DLEC1: variants seen among roughly 807,000 people sequenced by gnomAD.
DLEC1 encodes the protein deleted in lung and esophageal cancer protein 1.
DLEC1 carries 146 observed loss-of-function variants against 198.1 expected under a neutral mutation model. The ratio of observed to expected loss-of-function variants is 0.74; its 90% CI spans 0.64 to 0.85. The LOEUF is 0.85. DLEC1 is among the 40% of genes least tolerant of loss of function. The pLI is 0.00. For missense variants in DLEC1, 2,233 were observed against 2,220.0 expected (o/e 1.01, Z -0.12); for synonymous variants, 897 against 866.8 (o/e 1.03, Z -0.61).
intron 19 of DLEC1, among the ~76,000 whole-genome samples, chr3:38,101,254 G>A (rs1156814192): frequency 7.2e-5 from 11 of 152,104 alleles, no homozygotes; most frequent in Non-Finnish European, 1.3e-4. Context: ...TCAGGAGTTC[G>A]AGATCAGCCT....
intron 18 of DLEC1, 79 bp downstream of exon 18, chr3:38,097,981 G>A (rs949575624): frequency 6.3e-7 from 1 of 1,578,082 alleles, no homozygotes; most frequent in Non-Finnish European, 8.7e-7. Context: ...TTGCCCTGGT[G>A]TGTTTAGATC....
chr3:38,060,392 C>T (rs558024270), intron 3 of DLEC1, among the ~76,000 whole-genome samples: 2 of 151,880 alleles, frequency 1.3e-5, no homozygotes, highest in East Asian at 1.9e-4. Flanking sequence ...GCTTAAGCAG[C>T]GAGTTAGACT....
chr3:38,107,332 G>C (rs1049674260), intron 19 of DLEC1, among the ~76,000 whole-genome samples: 1 of 152,246 alleles, frequency 6.6e-6, no homozygotes, highest in South Asian at 2.1e-4. Context: ...TCTACTTTTT[G>C]AGCAATTATA....
At chr3:38,041,896 T>G (rs1271495888) in intron 1 of DLEC1, among the ~76,000 whole-genome samples, 1 of 151,978 alleles carries the variant, frequency 6.6e-6, no homozygotes, top group Non-Finnish European at 1.5e-5. Context: ...ATAAGTTGAC[T>G]TTATAAATTA....
At chr3:38,073,859 T>TACCTGAAGCTCA (rs1697459098) in intron 6 of DLEC1, among the ~76,000 whole-genome samples, 1 of 152,174 alleles carries the variant, frequency 6.6e-6, no homozygotes, top group South Asian at 2.1e-4. Flanking sequence ...CTGTGAGAGT[T>TACCTGAAGCTCA]ACCTGAAGCT....
At chr3:38,119,004 G>A (rs940540982) in intron 33 of DLEC1, among the ~76,000 whole-genome samples, 4 of 152,116 alleles carry the variant, frequency 2.6e-5, no homozygotes, top group Admixed American at 6.6e-5. Flanking sequence ...CCCACTTTGC[G>A]TTTGCTCCCT....
At chr3:38,109,676 C>A in intron 22 of DLEC1, 114 bp downstream of exon 22, 1 of 1,534,520 alleles carries the variant, frequency 6.5e-7, no homozygotes. Flanking sequence ...TTCCTGCAGG[C>A]AGGAAAACGC....
In DLEC1 at chr3:38,093,727, C is replaced by T. The variant is rs374503435; in HGVS notation, c.1879C>T (p.Arg627Trp). Residue 627 changes from arginine to tryptophan, a missense_variant, in exon 12 of 37, where the codon CGG (arginine) becomes TGG (tryptophan). By Grantham distance (101) the Arg-to-Trp change is moderately radical. Coordinates refer to ENST00000308059, the MANE Select transcript of DLEC1 (RefSeq NM_007335.4). Reference sequence around the variant, plus strand: ...CATACGATTTGAGCCTGAAAACCTTCGGTCCACGGCTAGGAAGCAGCTGAT... The same window carrying T: ...CATACGATTTGAGCCTGAAAACCTTTGGTCCACGGCTAGGAAGCAGCTGAT... The part of the protein sequence containing the change: ...HFIRFEPENL[R>W]STARKQLIIR... 4.7e-5 allele frequency: 76 copies of T among 1,614,080 alleles called. No individual in the cohort carries two copies. The highest frequency in any genetic ancestry group is 2.8e-4 in the African/African-American group (21 of 74,934).
intron 33 of DLEC1, among the ~76,000 whole-genome samples, chr3:38,119,010 T>G (rs1056274725): frequency 1.3e-5 from 2 of 152,028 alleles, no homozygotes; most frequent in Admixed American, 1.3e-4. Context: ...TTGCGTTTGC[T>G]CCCTTCAACG....
rs78059327 is a variant in DLEC1 at position 38,048,758 on chromosome 3, G to A, written c.562+3065G>A. Among the ~76,000 whole-genome samples the A allele has an allele frequency of 2.6e-5, 4 of 152,232 alleles. No individual in the cohort carries two copies. The East Asian group carries it at 7.7e-4, about 29-fold the overall frequency. ...TGTTGATGACTTCTCTTAGAGTGTGGCTCTGAGCAGCAGAAGCCCTATCCT... is the reference window on the plus strand; with the variant it reads ...TGTTGATGACTTCTCTTAGAGTGTGACTCTGAGCAGCAGAAGCCCTATCCT... On this transcript the variant is annotated intron_variant, in intron 2 of 36. Transcript: ENST00000308059.
intron 12 of DLEC1, 72 bp from the exon 13 acceptor site, chr3:38,094,807 A>C: frequency 6.5e-7 from 1 of 1,549,740 alleles, no homozygotes; most frequent in Non-Finnish European, 8.8e-7. Context: ...GGAGCAGGGC[A>C]GGGAGGCATG....
intron 6 of DLEC1, among the ~76,000 whole-genome samples, chr3:38,071,822 G>T (rs1365828062): frequency 6.6e-6 from 1 of 152,262 alleles, no homozygotes; most frequent in African/African-American, 2.4e-5. Context: ...TGACCACATG[G>T]TGGTGCAGAA....
At chr3:38,116,115 G>C (rs967732822) in intron 27 of DLEC1, among the ~76,000 whole-genome samples, 2 of 152,122 alleles carry the variant, frequency 1.3e-5, no homozygotes, top group Admixed American at 1.3e-4. Flanking sequence ...AAGGGCATGT[G>C]GGGGTTAGAG....
chr3:38,081,553 C>T (rs1237994882), intron 6 of DLEC1, among the ~76,000 whole-genome samples: 5 of 101,346 alleles, frequency 4.9e-5, no homozygotes, highest in East Asian at 4.1e-4. Flanking sequence ...CCGGATGGGG[C>T]GGCTGGCCGG....
chr3:38,120,429 C>G lies in DLEC1; in HGVS notation c.4705-19C>G. 3 of 1,613,334 alleles carry G rather than the reference C, an allele frequency of 1.9e-6. No homozygotes were observed. Among genetic ancestry groups the G allele is most frequent in the Middle Eastern group, 1.7e-4 (1 of 6,048 alleles). Reference sequence around the variant, plus strand: ...TGCCCTCTGCAGCCGGAGTTGACACCATGTCCACATCTGCTCAGGTGAACG... The same window carrying G: ...TGCCCTCTGCAGCCGGAGTTGACACGATGTCCACATCTGCTCAGGTGAACG... On this transcript the variant is annotated intron_variant, in intron 33 of 36. Coordinates refer to ENST00000308059, the MANE Select transcript of DLEC1 (RefSeq NM_007335.4).
At chr3:38,072,093 G>A (rs1002518720) in intron 6 of DLEC1, among the ~76,000 whole-genome samples, 2 of 152,186 alleles carry the variant, frequency 1.3e-5, no homozygotes, top group African/African-American at 4.8e-5. Flanking sequence ...GTGGGGAAAT[G>A]GGGTGAACAT....
intron 1 of DLEC1, among the ~76,000 whole-genome samples, 197 bp downstream of exon 1, chr3:38,039,833 A>G (rs898900646): frequency 6.6e-6 from 1 of 152,230 alleles, no homozygotes; most frequent in Non-Finnish European, 1.5e-5. Context: ...AATACCACAC[A>G]TACCACACAA....
chr3:38,070,681 G>A (rs147535911), intron 6 of DLEC1, among the ~76,000 whole-genome samples: 4,210 of 152,242 alleles, frequency 0.028, 102 homozygotes, highest in Non-Finnish European at 0.041. Flanking sequence ...GTTCTCTGGC[G>A]GGCAGGAGTG....
At position 38,039,215 on chromosome 3, in the gene DLEC1, T is replaced by A; in HGVS notation, c.-11T>A. 1.4e-5 allele frequency: 22 copies of A among 1,585,774 alleles called. No individual in the cohort carries two copies. Among genetic ancestry groups the A allele is most frequent in the Non-Finnish European group, 1.9e-5 (22 of 1,164,026 alleles). ...GAAGTGCCGCAGGGAGTTAGCGGCGTCTCGGTTGCCATGGAGACCAGGAGC... is the reference window on the plus strand; with the variant it reads ...GAAGTGCCGCAGGGAGTTAGCGGCGACTCGGTTGCCATGGAGACCAGGAGC... On this transcript the variant is annotated 5_prime_UTR_variant, in exon 1 of 37. Transcript: ENST00000308059.
Sources: allele counts gnomAD v4.1 joint callset (sites outside exome capture counted in the v4.1 genomes callset), GRCh38; gene constraint gnomAD v4.1.1; transcripts MANE v1.5; gene names NCBI Gene and HGNC (gene_info 2026-07-23, HGNC 2026-07-21).